The following FTO variants were observed in gnomAD, a reference collection of about 807,000 sequenced individuals.
FTO encodes the protein alpha-ketoglutarate-dependent dioxygenase FTO.
In FTO, 47 loss-of-function variants were observed where a neutral mutation model predicts 63.9. That is an observed-to-expected ratio of 0.74 (90% confidence interval 0.58 to 0.94). The LOEUF is 0.94. Ranked by LOEUF, FTO falls within the 40% of genes least tolerant of loss-of-function variation. FTO has a pLI of 0.00. For missense variants in FTO, 562 were observed against 618.1 expected (o/e 0.91, Z 0.96); for synonymous variants, 207 against 224.4 (o/e 0.92, Z 0.69).
At chr16:53,862,173 A>G (rs1330266685) in intron 4 of FTO, among the ~76,000 whole-genome samples, 3 of 152,162 alleles carry the variant, frequency 2.0e-5, no homozygotes, top group Non-Finnish European at 4.4e-5. Flanking sequence ...ACTTGAACCC[A>G]GCAGGCAGAG....
In FTO at chr16:53,912,612, C is replaced by T. The variant is rs143505233; in HGVS notation, c.1240-21373C>T. On this transcript the variant is annotated intron_variant, in intron 7 of 8. Transcript: ENST00000471389. ...CCGTAGAATCATCATCAACAGATTG[C>T]ATGGGGAATGTTGAGGTTGGAGCCT... 3.1e-3 allele frequency among the ~76,000 whole-genome samples: 478 copies of T among 152,264 alleles called. 1 individual carries two copies. The highest frequency in any genetic ancestry group is 0.011 in the African/African-American group (440 of 41,540).
intron 1 of FTO, among the ~76,000 whole-genome samples, chr16:53,751,401 T>G (rs2076790011): frequency 1.3e-5 from 2 of 151,834 alleles, no homozygotes; most frequent in Non-Finnish European, 2.9e-5. Flanking sequence ...AAGCTTGCAG[T>G]GAGCTGAGAT....
intron 8 of FTO, among the ~76,000 whole-genome samples, chr16:54,001,057 T>A (rs536304255): frequency 6.6e-6 from 1 of 152,334 alleles, no homozygotes; most frequent in East Asian, 1.9e-4. Context: ...TTCCAAGACC[T>A]TTTCTAGTCT....
intron 3 of FTO, among the ~76,000 whole-genome samples, chr16:53,827,229 C>T (rs944586447): frequency 2.6e-5 from 4 of 152,132 alleles, no homozygotes; most frequent in African/African-American, 9.7e-5. Context: ...CCACATTTCT[C>T]TTCTTCTATT....
At chr16:53,790,552 T>C (rs2077884536) in intron 1 of FTO, among the ~76,000 whole-genome samples, 1 of 48,460 alleles carries the variant, frequency 2.1e-5, no homozygotes, top group Non-Finnish European at 4.0e-5. Context: ...CCCCCATCTC[T>C]ATAAAGAAAA....
Position 54,114,916 on chromosome 16 carries a change from C to G in FTO, c.*3001C>G, listed in dbSNP as rs1420022673. 2.0e-5 allele frequency: 3 copies of G among 152,244 alleles called. No individual in the cohort carries two copies. The highest frequency in any genetic ancestry group is 7.2e-5 in the African/African-American group (3 of 41,426). The allele number at this position is 152,244 out of a possible 1,614,324, so 9.4% of individuals were successfully genotyped here. ...GAGAGAAGAAAGAAATGGTGACTTT[C>G]ATTGATCATGTGTTTGAGGATTTCA... On this transcript the variant is annotated 3_prime_UTR_variant, in exon 9 of 9. Transcript: ENST00000471389.
rs2086910012 is a variant in FTO, at chr16:54,112,343, A to C, written c.*428A>C. 4.7e-6 allele frequency: 1 copy of C among 213,092 alleles called. No individual in the cohort carries two copies. The highest frequency in any genetic ancestry group is 9.5e-6 in the Non-Finnish European group (1 of 105,200). 13.2% of individuals were successfully genotyped at this position (213,092 alleles called of 1,614,324 possible). A position where few individuals can be genotyped will look rare whatever the true frequency, so the allele number is the denominator to read the frequency against. On this transcript the variant is annotated 3_prime_UTR_variant, in exon 9 of 9. Coordinates refer to ENST00000471389, the MANE Select transcript of FTO (RefSeq NM_001080432.3). ...ACTCACCACACCCATAGTGCTGTCCAATATGGTAGCCACTAGCTAGCTGTG... is the reference window on the plus strand; with the variant it reads ...ACTCACCACACCCATAGTGCTGTCCCATATGGTAGCCACTAGCTAGCTGTG...
chr16:53,997,062 G>A (rs1415728631), intron 8 of FTO, among the ~76,000 whole-genome samples: 6 of 151,714 alleles, frequency 4.0e-5, no homozygotes, highest in East Asian at 1.9e-4. Flanking sequence ...GCAGTGAGCC[G>A]AGATTGTGCC....
At chr16:53,916,514 T>C (rs1158112215) in intron 7 of FTO, among the ~76,000 whole-genome samples, 15 of 152,322 alleles carry the variant, frequency 9.8e-5, no homozygotes, top group African/African-American at 3.4e-4. Flanking sequence ...AGCTTATAGA[T>C]GGTCCGTAAA....
chr16:53,972,645 C>T (rs1395902654), intron 8 of FTO, among the ~76,000 whole-genome samples: 1 of 152,220 alleles, frequency 6.6e-6, no homozygotes, highest in Non-Finnish European at 1.5e-5. Context: ...TTCCCATCAG[C>T]CACAGACTCA....
chr16:54,040,531 A>G (rs1248483304), intron 8 of FTO: 2 of 152,196 alleles, frequency 1.3e-5, no homozygotes, highest in African/African-American at 2.4e-5. Flanking sequence ...ATAGAAGACA[A>G]TTTCAGATTG....
chr16:54,065,339 CT>C (rs1285609441), intron 8 of FTO, among the ~76,000 whole-genome samples: 1 of 151,556 alleles, frequency 6.6e-6, no homozygotes, highest in Non-Finnish European at 1.5e-5. Flanking sequence ...AATTTTTAAA[CT>C]TTTTTTAGGA....
chr16:53,833,098 A>G (rs988100561), intron 3 of FTO, among the ~76,000 whole-genome samples: 1 of 152,162 alleles, frequency 6.6e-6, no homozygotes, highest in African/African-American at 2.4e-5. Context: ...TATTCTCATG[A>G]TAGTGAATAA....
At chr16:53,901,071 C>G (rs1254948356) in intron 7 of FTO, among the ~76,000 whole-genome samples, 2 of 152,210 alleles carry the variant, frequency 1.3e-5, no homozygotes, top group African/African-American at 4.8e-5. Flanking sequence ...TTATCTTGCA[C>G]TTGCAAAGGT....
intron 4 of FTO, among the ~76,000 whole-genome samples, chr16:53,846,451 C>G (rs2079622752): frequency 6.6e-6 from 1 of 152,106 alleles, no homozygotes; most frequent in African/African-American, 2.4e-5. Flanking sequence ...CAATGTATAT[C>G]TTTCAAAGAA....
At chr16:53,793,369 G>A (rs112083703) in intron 1 of FTO, among the ~76,000 whole-genome samples, 9 of 152,076 alleles carry the variant, frequency 5.9e-5, no homozygotes, top group African/African-American at 2.2e-4. Flanking sequence ...ACGATTATAG[G>A]TAAGAAGACC....
Position 54,057,364 on chromosome 16 carries a change from T to G in FTO, c.1365-54398T>G, listed in dbSNP as rs183933105. Among the ~76,000 whole-genome samples, 191 of 152,354 alleles carry G rather than the reference T, an allele frequency of 1.3e-3. 1 individual carries two copies. Among genetic ancestry groups the G allele is most frequent in the Non-Finnish European group, 2.2e-3 (153 of 68,032 alleles). ...ATCCCATGATCAACGTGACTCAGTTTGAGTGACTCTTGCCAGTCTGTCAGT... is the reference window on the plus strand; with the variant it reads ...ATCCCATGATCAACGTGACTCAGTTGGAGTGACTCTTGCCAGTCTGTCAGT... On this transcript the variant is annotated intron_variant, in intron 8 of 8. Transcript: ENST00000471389.
At chr16:53,874,677 T>G (rs1170294004) in intron 5 of FTO, among the ~76,000 whole-genome samples, 1 of 152,202 alleles carries the variant, frequency 6.6e-6, no homozygotes, top group African/African-American at 2.4e-5. Flanking sequence ...GTGGCAGTAC[T>G]GCGTGAGTCT....
chr16:54,060,820 G>A (rs2085552409), intron 8 of FTO, among the ~76,000 whole-genome samples: 1 of 152,180 alleles, frequency 6.6e-6, no homozygotes, highest in South Asian at 2.1e-4. Context: ...CTCCCTTGCT[G>A]CTATTCATAT....
Sources: gnomAD v4.1 joint callset for allele counts (sites outside exome capture counted in the v4.1 genomes callset) on GRCh38, gnomAD v4.1.1 for gene constraint, MANE v1.5 for transcripts, NCBI Gene and HGNC (gene_info 2026-07-23, HGNC 2026-07-21) for gene names.